The following TSPAN9 variants were observed in gnomAD, a reference collection of about 807,000 sequenced individuals.
TSPAN9 encodes tetraspanin-9.
TSPAN9 carries 16 observed loss-of-function variants against 31.0 expected under a neutral mutation model. That is an observed-to-expected ratio of 0.52 (90% CI 0.35 to 0.78). TSPAN9 has a LOEUF of 0.78. Among genes scored for constraint, TSPAN9 ranks in the 30% least tolerant of loss-of-function variants. The probability of loss-of-function intolerance (pLI) is 0.01; values close to 1 mark genes in which losing one functional copy is unlikely to be tolerated. For missense variants in TSPAN9, 272 were observed against 312.5 expected, an observed-to-expected ratio of 0.87 and a Z score of 0.98; for synonymous variants, 145 against 121.6, an observed-to-expected ratio of 1.19 and a Z score of -1.27.
chr12:3,099,659 T>A (rs1216184901), intron 2 of TSPAN9, among the ~76,000 whole-genome samples: 1 of 152,200 alleles, frequency 6.6e-6, no homozygotes, highest in Admixed American at 6.5e-5. Context: ...GGTATTGGGC[T>A]TTATTCTGGC....
intron 2 of TSPAN9, among the ~76,000 whole-genome samples, chr12:3,114,570 G>A (rs1367847628): frequency 2.0e-5 from 3 of 152,116 alleles, no homozygotes; most frequent in African/African-American, 7.2e-5. Context: ...CTGCAGTCTG[G>A]CCAGGCATGG....
intron 3 of TSPAN9, among the ~76,000 whole-genome samples, chr12:3,266,602 A>G (rs1443549029): frequency 6.6e-6 from 1 of 152,212 alleles, no homozygotes; most frequent in Non-Finnish European, 1.5e-5. Flanking sequence ...AGGATGGGTC[A>G]CAGTCTCCTG....
At chr12:3,182,357 G>A (rs988399114) in intron 2 of TSPAN9, among the ~76,000 whole-genome samples, 3 of 152,030 alleles carry the variant, frequency 2.0e-5, no homozygotes, top group South Asian at 2.1e-4. Flanking sequence ...GCGCCCACCC[G>A]AGGCTGCCTG....
chr12:3,250,147 G>T (rs1235150030), intron 3 of TSPAN9, among the ~76,000 whole-genome samples: 1 of 152,068 alleles, frequency 6.6e-6, no homozygotes. Context: ...TGGCCCTTGT[G>T]TCTCTCTCCC....
chr12:3,189,471 A>G (rs10732596), intron 2 of TSPAN9, among the ~76,000 whole-genome samples: 149,822 of 152,294 alleles, frequency 0.98, 73,754 homozygotes, highest in Middle Eastern at 1. Flanking sequence ...CAGGGTGACT[A>G]CAGAGGGAGA....
At chr12:3,136,464 C>CT (rs2098332184) in intron 2 of TSPAN9, among the ~76,000 whole-genome samples, 1 of 152,174 alleles carries the variant, frequency 6.6e-6, no homozygotes, top group South Asian at 2.1e-4. Context: ...GGGGGATCCT[C>CT]TTTTTTGCAG....
chr12:3,170,592 G>T lies in TSPAN9; in HGVS notation c.-17-30585G>T, dbSNP rs540687280. On this transcript the variant is annotated intron_variant, in intron 2 of 8. Transcript: ENST00000011898. The surrounding 1 kb of genome is among the most constrained non-coding windows in gnomAD (Gnocchi z 4.4). ...AGAGATCACTGAGTCAGTTCTGTGTGGGGGGGTCGTGATGGGGGAGCAGAT... is the reference window on the plus strand; with the variant it reads ...AGAGATCACTGAGTCAGTTCTGTGTTGGGGGGTCGTGATGGGGGAGCAGAT... Among the ~76,000 whole-genome samples the T allele has an allele frequency of 6.6e-6, 1 of 151,236 alleles. No individual in the cohort carries two copies. The highest frequency in any genetic ancestry group is 2.4e-5 in the African/African-American group (1 of 41,144).
At chr12:3,117,381 G>A (rs2098322912) in intron 2 of TSPAN9, among the ~76,000 whole-genome samples, 1 of 152,122 alleles carries the variant, frequency 6.6e-6, no homozygotes, top group Non-Finnish European at 1.5e-5. Context: ...ATTAATAAAA[G>A]CACTTCAGCA....
intron 3 of TSPAN9, among the ~76,000 whole-genome samples, chr12:3,215,977 G>A (rs2153974411): frequency 6.6e-6 from 1 of 152,322 alleles, no homozygotes; most frequent in South Asian, 2.1e-4. Flanking sequence ...ATGAAAACCT[G>A]TGCATCCTGG....
At chr12:3,179,659 A>G (rs1375030255) in intron 2 of TSPAN9, among the ~76,000 whole-genome samples, 1 of 152,176 alleles carries the variant, frequency 6.6e-6, no homozygotes, top group Non-Finnish European at 1.5e-5. Context: ...AGCTAACATC[A>G]TGCATTTTTT....
chr12:3,171,180 T>A (rs1463715518), intron 2 of TSPAN9, among the ~76,000 whole-genome samples: 2 of 152,098 alleles, frequency 1.3e-5, no homozygotes, highest in Non-Finnish European at 2.9e-5. Context: ...CCCAGTCCTA[T>A]CTTCCTTATC....
At chr12:3,237,696 G>A (rs1201487690) in intron 3 of TSPAN9, among the ~76,000 whole-genome samples, 1 of 152,206 alleles carries the variant, frequency 6.6e-6, no homozygotes, top group Admixed American at 6.5e-5. Context: ...TATGATGTAG[G>A]GTTTCAGCTT....
intron 2 of TSPAN9, among the ~76,000 whole-genome samples, chr12:3,148,083 T>A (rs961752689): frequency 6.6e-6 from 1 of 152,124 alleles, no homozygotes; most frequent in African/African-American, 2.4e-5. Context: ...TGAGCAGTGA[T>A]TCCTTTGAAA....
chr12:3,228,290 G>A (rs894112522), intron 3 of TSPAN9, among the ~76,000 whole-genome samples: 5 of 152,174 alleles, frequency 3.3e-5, no homozygotes, highest in South Asian at 2.1e-4. Flanking sequence ...ACTTGAGCCC[G>A]GGAGATCGAG....
At chr12:3,249,454 A>G (rs1370053815) in intron 3 of TSPAN9, among the ~76,000 whole-genome samples, 1 of 152,142 alleles carries the variant, frequency 6.6e-6, no homozygotes, top group Non-Finnish European at 1.5e-5. Flanking sequence ...TGCTTCTTCC[A>G]TGAAAACTTT....
intron 2 of TSPAN9, among the ~76,000 whole-genome samples, chr12:3,117,551 C>A (rs2098323004): frequency 6.6e-6 from 1 of 152,068 alleles, no homozygotes; most frequent in African/African-American, 2.4e-5. Context: ...TAAAGAGGGG[C>A]AGCCTGGAAA....
chr12:3,166,648 C>A (rs959263373), intron 2 of TSPAN9, among the ~76,000 whole-genome samples: 2 of 152,208 alleles, frequency 1.3e-5, no homozygotes, highest in African/African-American at 4.8e-5. Flanking sequence ...GAAGTGAACA[C>A]ATCTGTGGGA....
At chr12:3,199,438 A>C (rs1419847481) in intron 2 of TSPAN9, among the ~76,000 whole-genome samples, 1 of 152,220 alleles carries the variant, frequency 6.6e-6, no homozygotes, top group Non-Finnish European at 1.5e-5. Context: ...CTTCTGCACT[A>C]GCCCAAGGGA....
chr12:3,121,411 G>C (rs2098325041), intron 2 of TSPAN9, among the ~76,000 whole-genome samples: 1 of 142,432 alleles, frequency 7.0e-6, no homozygotes, highest in Non-Finnish European at 1.5e-5. Context: ...CCAGGCCAGA[G>C]TGCAGTGGTG....
Sources: allele counts gnomAD v4.1 joint callset (sites outside exome capture counted in the v4.1 genomes callset), GRCh38; gene constraint gnomAD v4.1.1; non-coding constraint Gnocchi (gnomAD v3.1); transcripts MANE v1.5; gene names NCBI Gene and HGNC (gene_info 2026-07-23, HGNC 2026-07-21).